Variants in STAU2 observed in about 807,000 individuals in gnomAD.
STAU2 encodes the protein double-stranded RNA-binding protein Staufen homolog 2.
Under a neutral mutation model 65.9 loss-of-function variants are expected in STAU2, and 20 were observed. That is an observed-to-expected ratio of 0.30 (90% confidence interval 0.21 to 0.44). The LOEUF (loss-of-function observed/expected upper bound fraction) is 0.44, where lower values mean the gene tolerates loss of function less well. STAU2 is among the 20% of genes least tolerant of loss of function. The pLI is 1.00. For missense variants in STAU2, 558 were observed against 683.9 expected (o/e 0.82, Z 2.05); for synonymous variants, 232 against 233.9 (o/e 0.99, Z 0.07).
intron 6 of STAU2, among the ~76,000 whole-genome samples, chr8:73,623,713 G>A (rs957596348): frequency 1.3e-5 from 2 of 152,080 alleles, no homozygotes; most frequent in Admixed American, 1.3e-4. Flanking sequence ...GCACTGCTAA[G>A]CATTCTTTTT....
chr8:73,740,185 CCT>C (rs1806744255), intron 1 of STAU2, among the ~76,000 whole-genome samples: 1 of 152,342 alleles, frequency 6.6e-6, no homozygotes, highest in African/African-American at 2.4e-5. Context: ...TTGACTACCA[CCT>C]CTTTTATGAG....
chr8:73,705,585 T>C (rs1281597345), intron 4 of STAU2, among the ~76,000 whole-genome samples: 1 of 152,148 alleles, frequency 6.6e-6, no homozygotes. Context: ...CAATAATCTG[T>C]AGAAAAAATA....
At chr8:73,721,329 C>T (rs546552512) in intron 3 of STAU2, among the ~76,000 whole-genome samples, 1 of 137,734 alleles carries the variant, frequency 7.3e-6, no homozygotes, top group South Asian at 2.4e-4. Context: ...CTTTATGGCC[C>T]AAAATACAGT....
In STAU2 at chr8:73,421,407, C is replaced by T. The variant is rs1206157615; in HGVS notation, c.1678G>A (p.Ala560Thr). The change falls in exon 15 of 15, where the codon GCT becomes ACT. Residue 560 changes from alanine (A) to threonine (T), a missense_variant. This residue lies in a region of STAU2 where 247 missense variants were observed against 270.1 expected (regional missense o/e 0.91). Transcript: ENST00000524300. ...GAGTTTGATTTCTTGCAGTCCTGAG[C>T]GATGGAGCCCGGGGGTGCCTGGTTA... ...DNNQAPPGSI[A>T]QDCKKSNSAV 10 of 1,537,106 alleles carry T rather than the reference C, an allele frequency of 6.5e-6. No homozygotes were observed. The highest frequency in any genetic ancestry group is 4.1e-5 in the African/African-American group (3 of 73,026).
At chr8:73,487,995 A>T (rs1411846415) in intron 13 of STAU2, among the ~76,000 whole-genome samples, 1 of 152,076 alleles carries the variant, frequency 6.6e-6, no homozygotes, top group Non-Finnish European at 1.5e-5. Context: ...GAACAAAAAA[A>T]CATTTTGTGT....
chr8:73,585,152 C>T (rs1810268650), intron 11 of STAU2, among the ~76,000 whole-genome samples: 1 of 152,096 alleles, frequency 6.6e-6, no homozygotes, highest in Non-Finnish European at 1.5e-5. Context: ...TTTGACTAAA[C>T]TAATTTCTTC....
rs747448315 is a variant in STAU2, at chr8:73,730,243, C to T, written c.-18+8041G>A. On this transcript the variant is annotated intron_variant, in intron 3 of 14. Coordinates refer to ENST00000524300, the MANE Select transcript of STAU2 (RefSeq NM_001164380.2). ...ATTTTAATTTATTTCTAAGTATTCT[C>T]TAATTCCCACATATTTGTAAATTTC... 2.2e-4 allele frequency among the ~76,000 whole-genome samples: 34 copies of T among 152,252 alleles called. No individual in the cohort carries two copies. In the Middle Eastern group the frequency reaches 0.017, roughly 76 times the overall value.
At chr8:73,473,834 C>G (rs1156663905) in intron 13 of STAU2, among the ~76,000 whole-genome samples, 1 of 152,096 alleles carries the variant, frequency 6.6e-6, no homozygotes, top group Non-Finnish European at 1.5e-5. Context: ...ACCCTCATGC[C>G]AAGGATGGCA....
chr8:73,483,969 G>A (rs1820779932), intron 13 of STAU2, among the ~76,000 whole-genome samples: 1 of 152,152 alleles, frequency 6.6e-6, no homozygotes, highest in African/African-American at 2.4e-5. Context: ...TTCAGCCACA[G>A]CGTCAGGAAG....
At chr8:73,468,685 C>A (rs1158424819) in intron 13 of STAU2, among the ~76,000 whole-genome samples, 1 of 152,180 alleles carries the variant, frequency 6.6e-6, no homozygotes, top group African/African-American at 2.4e-5. Flanking sequence ...ATTTATGCAG[C>A]CAACAGACAT....
intron 13 of STAU2, among the ~76,000 whole-genome samples, chr8:73,508,875 A>C (rs1162298473): frequency 1.3e-5 from 2 of 152,212 alleles, no homozygotes; most frequent in African/African-American, 4.8e-5. Flanking sequence ...TATATGGATA[A>C]ATGACATTTT....
At chr8:73,725,506 T>C (rs1398663901) in intron 3 of STAU2, among the ~76,000 whole-genome samples, 5 of 152,184 alleles carry the variant, frequency 3.3e-5, no homozygotes, top group Admixed American at 6.5e-5. Context: ...TTTTTAAAAG[T>C]TAAAAATGGG....
chr8:73,446,991 G>C (rs1818503459), intron 13 of STAU2, among the ~76,000 whole-genome samples: 1 of 152,180 alleles, frequency 6.6e-6, no homozygotes, highest in Non-Finnish European at 1.5e-5. Context: ...ACCCAGGCTG[G>C]AGTGCAGTGG....
intron 6 of STAU2, among the ~76,000 whole-genome samples, chr8:73,654,486 T>C (rs1000248031): frequency 1.3e-5 from 2 of 151,234 alleles, no homozygotes; most frequent in Admixed American, 6.6e-5. Context: ...ACCCCATCTC[T>C]ACAAAAAATA....
At chr8:73,637,607 T>C (rs1265025890) in intron 6 of STAU2, among the ~76,000 whole-genome samples, 6 of 150,948 alleles carry the variant, frequency 4.0e-5, no homozygotes. Context: ...AAACAAAAAT[T>C]CAGAGAAATC....
intron 13 of STAU2, among the ~76,000 whole-genome samples, chr8:73,481,422 A>C (rs929527206): frequency 7.9e-5 from 12 of 151,360 alleles, no homozygotes; most frequent in African/African-American, 2.9e-4. Context: ...ATTCTGATAC[A>C]TGCCAAAGTT....
chr8:73,431,913 G>A (rs767696366), intron 13 of STAU2, among the ~76,000 whole-genome samples: 1 of 152,104 alleles, frequency 6.6e-6, no homozygotes, highest in South Asian at 2.1e-4. Context: ...AGCAGCATTC[G>A]GCCATTCTCT....
intron 6 of STAU2, among the ~76,000 whole-genome samples, chr8:73,630,859 T>C (rs1018353612): frequency 6.6e-6 from 1 of 152,230 alleles, no homozygotes. Context: ...AATGTTTCTA[T>C]GAAGCTGCAG....
intron 6 of STAU2, among the ~76,000 whole-genome samples, chr8:73,628,510 A>T (rs1813854282): frequency 6.6e-6 from 1 of 152,178 alleles, no homozygotes; most frequent in South Asian, 2.1e-4. Flanking sequence ...ATTTAATTCC[A>T]GCAGCAGATA....
Sources: gnomAD v4.1 joint callset for allele counts (sites outside exome capture counted in the v4.1 genomes callset) on GRCh38, gnomAD v4.1.1 for gene constraint, gnomAD v4.1.1 regional missense constraint, MANE v1.5 for transcripts, NCBI Gene and HGNC (gene_info 2026-07-23, HGNC 2026-07-21) for gene names.